The following MED13L variants were observed in gnomAD, a reference collection of about 807,000 sequenced individuals.
MED13L encodes mediator complex subunit 13L.
Under a neutral mutation model 220.9 loss-of-function variants are expected in MED13L, and 7 were observed. The ratio of observed to expected loss-of-function variants is 0.03; its 90% CI spans 0.02 to 0.06. The LOEUF (loss-of-function observed/expected upper bound fraction) is 0.06, where lower values mean the gene tolerates loss of function less well. MED13L is among the 10% of genes least tolerant of loss of function. The pLI is 1.00. For missense variants in MED13L, 1,965 were observed against 2,760.5 expected, an observed-to-expected ratio of 0.71 and a Z score of 6.46; for synonymous variants, 1,011 against 1,015.2, an observed-to-expected ratio of 1.00 and a Z score of 0.08.
chr12:116,222,964 G>A (rs1868586692), intron 2 of MED13L, among the ~76,000 whole-genome samples: 1 of 152,194 alleles, frequency 6.6e-6, no homozygotes, highest in Non-Finnish European at 1.5e-5. Context: ...ACAGAAGCCA[G>A]TAATTAACTC....
chr12:116,178,913 T>C (rs893727880), intron 2 of MED13L, among the ~76,000 whole-genome samples: 2 of 152,218 alleles, frequency 1.3e-5, no homozygotes, highest in East Asian at 3.8e-4. Flanking sequence ...AGAGATTATA[T>C]AGTTACACCG....
In MED13L at chr12:116,226,861, T is replaced by TC. The variant is rs1249361931; in HGVS notation, c.310+10606dup. Among the ~76,000 whole-genome samples the TC allele has an allele frequency of 6.1e-5, 8 of 132,072 alleles. No homozygotes were observed. The East Asian group carries it at 1.8e-3, about 30-fold the overall frequency. The allele number at this position is 132,072 out of a possible 152,430, so 86.6% of individuals were successfully genotyped here. A position where few individuals can be genotyped will look rare whatever the true frequency, so the allele number is the denominator to read the frequency against. On this transcript the variant is annotated intron_variant, in intron 2 of 30. Coordinates refer to ENST00000281928, the MANE Select transcript of MED13L (RefSeq NM_015335.5). ...TCCAGCCTGGGCAACAGAGTGAGAC[T>TC]CCATCTCAAAAAAAAAAAAAAAAAC...
chr12:116,191,169 TTCAGTATTTG>T (rs1326021967), intron 2 of MED13L, among the ~76,000 whole-genome samples: 3 of 151,854 alleles, frequency 2.0e-5, no homozygotes, highest in Admixed American at 6.6e-5. Context: ...TTCCAAATAC[TTCAGTATTTG>T]GAATGTAACA....
chr12:116,048,313 T>C (rs1407333619), intron 4 of MED13L, among the ~76,000 whole-genome samples: 11 of 151,936 alleles, frequency 7.2e-5, no homozygotes, highest in Admixed American at 2.0e-4. Flanking sequence ...TGAACTGGGA[T>C]AGGAAGAGGG....
intron 1 of MED13L, among the ~76,000 whole-genome samples, chr12:116,250,218 C>T (rs1871410681): frequency 6.6e-6 from 1 of 151,660 alleles, no homozygotes; most frequent in African/African-American, 2.4e-5. Context: ...GAAAAATATG[C>T]TCAAAGAAAA....
intron 25 of MED13L, among the ~76,000 whole-genome samples, chr12:115,973,133 T>A (rs1218853151): frequency 6.6e-6 from 1 of 152,030 alleles, no homozygotes; most frequent in Non-Finnish European, 1.5e-5. Flanking sequence ...GTGGCTGAAA[T>A]AAAAGTGGCC....
At chr12:115,977,982 C>A (rs928605229) in intron 23 of MED13L, among the ~76,000 whole-genome samples, 2 of 151,872 alleles carry the variant, frequency 1.3e-5, no homozygotes, top group African/African-American at 2.4e-5. Context: ...GGTGACAGAG[C>A]GAGACCTTGC....
chr12:116,218,397 G>A (rs1314905782), intron 2 of MED13L, among the ~76,000 whole-genome samples: 1 of 152,048 alleles, frequency 6.6e-6, no homozygotes, highest in East Asian at 1.9e-4. Flanking sequence ...AAAGATTCCT[G>A]CAATGCCAAC....
rs188194921 is a variant in MED13L, at chr12:116,006,203, G to C, written c.2344+103C>G. ...ATGAAAAATATATTAAAGATGAGATGAAATTCTTATTACAATAAGAATAAA... is the reference window on the plus strand; with the variant it reads ...ATGAAAAATATATTAAAGATGAGATCAAATTCTTATTACAATAAGAATAAA... On this transcript the variant is annotated intron_variant, in intron 12 of 30. Coordinates refer to ENST00000281928, the MANE Select transcript of MED13L (RefSeq NM_015335.5). The C allele has an allele frequency of 1.4e-5, 18 of 1,252,012 alleles. No individual in the cohort carries two copies. In the Admixed American group the frequency reaches 1.7e-4, roughly 12 times the overall value. 77.6% of individuals were successfully genotyped at this position (1,252,012 alleles called of 1,614,324 possible). A position where few individuals can be genotyped will look rare whatever the true frequency, so the allele number is the denominator to read the frequency against.
intron 2 of MED13L, among the ~76,000 whole-genome samples, chr12:116,154,818 TTGA>T (rs1199610836): frequency 6.6e-6 from 1 of 152,136 alleles, no homozygotes; most frequent in Non-Finnish European, 1.5e-5. Flanking sequence ...TAATTGTGTG[TTGA>T]TGGTGGTGGT....
At chr12:116,135,117 T>TGA (rs1330707242) in intron 2 of MED13L, among the ~76,000 whole-genome samples, 3 of 152,128 alleles carry the variant, frequency 2.0e-5, no homozygotes, top group Non-Finnish European at 4.4e-5. Context: ...TGCAGTGAGC[T>TGA]GAGATTGTGC....
intron 2 of MED13L, among the ~76,000 whole-genome samples, chr12:116,221,768 A>C (rs1184370014): frequency 2.0e-5 from 3 of 152,230 alleles, no homozygotes; most frequent in Non-Finnish European, 2.9e-5. Context: ...TACTAATAAA[A>C]AGTTTAAAAA....
At chr12:116,165,230 G>A (rs1269354962) in intron 2 of MED13L, among the ~76,000 whole-genome samples, 1 of 147,562 alleles carries the variant, frequency 6.8e-6, no homozygotes, top group Non-Finnish European at 1.5e-5. Context: ...AAGATAGAAA[G>A]GGCTTAAGGC....
At chr12:116,233,586 C>T (rs1420269352) in intron 2 of MED13L, among the ~76,000 whole-genome samples, 2 of 152,186 alleles carry the variant, frequency 1.3e-5, no homozygotes, top group East Asian at 1.9e-4. Flanking sequence ...ACAATTCATT[C>T]GCAGCCTGTA....
chr12:116,222,901 T>C (rs947747174), intron 2 of MED13L, among the ~76,000 whole-genome samples: 1 of 152,252 alleles, frequency 6.6e-6, no homozygotes, highest in African/African-American at 2.4e-5. Context: ...TTGAAAATGT[T>C]TGCCTAAATC....
chr12:116,019,394 T>C lies in MED13L; in HGVS notation c.839A>G (p.Tyr280Cys). The C allele has an allele frequency of 1.2e-6, 2 of 1,613,892 alleles. No individual in the cohort carries two copies. Among genetic ancestry groups the C allele is most frequent in the Non-Finnish European group, 1.7e-6 (2 of 1,179,892 alleles). ...AGAGATCAAAACAAATGCTGAAGGG[T>C]AAACCATCCGAACACCACCTATAAG... The part of the protein sequence containing the change: ...EVIVGGVRMV[Y>C]PSAFVLISQN... Residue 280 changes from tyrosine (Y) to cysteine (C), a missense_variant, in exon 7 of 31, where the codon TAC becomes TGC. By Grantham distance (194) the Tyr-to-Cys change is radical. Around this residue, in one of 10 missense-constraint regions of MED13L, gnomAD observed 818 missense variants for 1,041.2 expected, o/e 0.79. Coordinates refer to ENST00000281928, the MANE Select transcript of MED13L (RefSeq NM_015335.5).
chr12:116,034,802 T>G (rs901491886), intron 4 of MED13L, among the ~76,000 whole-genome samples: 2 of 152,008 alleles, frequency 1.3e-5, no homozygotes, highest in African/African-American at 2.4e-5. Context: ...GGTTGGGAGT[T>G]CAAGACCAGC....
intron 2 of MED13L, among the ~76,000 whole-genome samples, chr12:116,159,263 A>G (rs963017876): frequency 2.6e-5 from 4 of 152,224 alleles, no homozygotes; most frequent in African/African-American, 9.6e-5. Flanking sequence ...TGTCCAACAA[A>G]TGGAGGTCGC....
At chr12:116,106,428 A>G (rs1230690526) in intron 3 of MED13L, among the ~76,000 whole-genome samples, 1 of 149,756 alleles carries the variant, frequency 6.7e-6, no homozygotes, top group Non-Finnish European at 1.5e-5. Flanking sequence ...CGAAGAAATG[A>G]AAGTTAGAGG....
Sources: allele counts gnomAD v4.1 joint callset (sites outside exome capture counted in the v4.1 genomes callset), GRCh38; gene constraint gnomAD v4.1.1; regional missense constraint gnomAD v4.1.1; transcripts MANE v1.5; gene names NCBI Gene and HGNC (gene_info 2026-07-23, HGNC 2026-07-21).